DLG2: variants seen among roughly 807,000 people sequenced by gnomAD.
DLG2 encodes the protein discs large MAGUK scaffold protein 2, also known as disks large homolog 2.
Under a neutral mutation model 132.5 loss-of-function variants are expected in DLG2, and 45 were observed. That is an observed-to-expected ratio of 0.34 (90% CI 0.27 to 0.44). DLG2 has a LOEUF of 0.44. DLG2 is among the 20% of genes least tolerant of loss of function. The pLI is 1.00. For synonymous variants in DLG2, 424 were observed against 419.6 expected, an observed-to-expected ratio of 1.01 and a Z score of -0.13; for missense variants, 1,045 against 1,196.9, an observed-to-expected ratio of 0.87 and a Z score of 1.87.
intron 3 of DLG2, among the ~76,000 whole-genome samples, chr11:85,518,438 T>A (rs778849698): frequency 1.2e-4 from 19 of 152,138 alleles, no homozygotes; most frequent in African/African-American, 4.3e-4. Flanking sequence ...CACTAGAGAT[T>A]TGTAGAACTT....
intron 4 of DLG2, among the ~76,000 whole-genome samples, chr11:85,167,268 C>T (rs2078521923): frequency 6.6e-6 from 1 of 152,108 alleles, no homozygotes; most frequent in South Asian, 2.1e-4. Context: ...TGGAGTAATC[C>T]AATTCTATTA....
chr11:84,400,540 T>C (rs941683112), intron 7 of DLG2, among the ~76,000 whole-genome samples: 5 of 152,228 alleles, frequency 3.3e-5, no homozygotes, highest in African/African-American at 4.8e-5. Context: ...TAGGCTCCTA[T>C]GCCCACTCTA....
At chr11:84,955,339 G>T (rs1032294212) in intron 6 of DLG2, 1 of 152,136 alleles carries the variant, frequency 6.6e-6, no homozygotes, top group African/African-American at 2.4e-5. Context: ...CTCATTTACA[G>T]ATGAGAAGAC....
At chr11:83,734,817 C>T (rs1213556629) in intron 18 of DLG2, among the ~76,000 whole-genome samples, 2 of 152,018 alleles carry the variant, frequency 1.3e-5, no homozygotes, top group African/African-American at 2.4e-5. Context: ...AGTATTATTT[C>T]ATGAAACATT....
intron 6 of DLG2, among the ~76,000 whole-genome samples, chr11:84,585,532 G>T (rs973965956): frequency 2.6e-5 from 4 of 152,098 alleles, no homozygotes; most frequent in Non-Finnish European, 4.4e-5. Flanking sequence ...AGGTTGTCCA[G>T]CTCCTCAAAA....
chr11:84,652,887 A>G (rs1157345030), intron 6 of DLG2, among the ~76,000 whole-genome samples: 1 of 151,778 alleles, frequency 6.6e-6, no homozygotes, highest in East Asian at 1.9e-4. Flanking sequence ...GTTTCACAAG[A>G]TAGTGCAGGA....
chr11:85,480,241 C>A (rs951654991), intron 3 of DLG2, among the ~76,000 whole-genome samples: 1 of 152,180 alleles, frequency 6.6e-6, no homozygotes, highest in Non-Finnish European at 1.5e-5. Context: ...AGTAATTCCA[C>A]AACTATGTAT....
chr11:83,591,164 C>G (rs1848553773), intron 19 of DLG2, among the ~76,000 whole-genome samples: 1 of 149,000 alleles, frequency 6.7e-6, no homozygotes, highest in African/African-American at 2.5e-5. Context: ...ATCCTGATAC[C>G]AAAGCCAGGC....
chr11:84,043,032 T>A (rs1179661665), intron 11 of DLG2, among the ~76,000 whole-genome samples: 1 of 151,836 alleles, frequency 6.6e-6, no homozygotes, highest in African/African-American at 2.4e-5. Flanking sequence ...TATATGGACA[T>A]ATATGTATAT....
chr11:84,550,133 CACACA>C (rs2099398945), intron 6 of DLG2, among the ~76,000 whole-genome samples: 1 of 151,830 alleles, frequency 6.6e-6, no homozygotes, highest in Non-Finnish European at 1.5e-5. Flanking sequence ...CACACACACA[CACACA>C]CACACACACA....
At chr11:84,156,203 T>C (rs572081591) in intron 9 of DLG2, among the ~76,000 whole-genome samples, 1 of 152,280 alleles carries the variant, frequency 6.6e-6, no homozygotes, top group South Asian at 2.1e-4. Context: ...CGCTCAGCCA[T>C]AGACAACTTT....
chr11:84,952,507 A>G (rs148436649), intron 6 of DLG2, among the ~76,000 whole-genome samples: 1 of 150,864 alleles, frequency 6.6e-6, no homozygotes, highest in African/African-American at 2.4e-5. Context: ...ACAGAACGAG[A>G]CTCCGTCTCA....
intron 6 of DLG2, among the ~76,000 whole-genome samples, chr11:84,936,490 A>G (rs1472254163): frequency 2.0e-5 from 3 of 152,124 alleles, no homozygotes; most frequent in Admixed American, 6.6e-5. Context: ...TAAATAAATA[A>G]ATGAACTATA....
intron 4 of DLG2, among the ~76,000 whole-genome samples, chr11:85,256,713 G>A (rs979470625): frequency 5.3e-5 from 8 of 152,216 alleles, no homozygotes; most frequent in African/African-American, 1.9e-4. Context: ...CGCCCCTGTC[G>A]ATGTCGTGTG....
At chr11:85,093,485 C>T (rs985149206) in intron 6 of DLG2, among the ~76,000 whole-genome samples, 1 of 152,108 alleles carries the variant, frequency 6.6e-6, no homozygotes, top group Non-Finnish European at 1.5e-5. Context: ...AGTCTGTTTT[C>T]ACACTTCTAA....
At chr11:84,856,157 C>T (rs1342974361) in intron 6 of DLG2, among the ~76,000 whole-genome samples, 1 of 151,986 alleles carries the variant, frequency 6.6e-6, no homozygotes, top group African/African-American at 2.4e-5. Flanking sequence ...CCTCATTGTC[C>T]TCTCTAGGGC....
intron 6 of DLG2, among the ~76,000 whole-genome samples, chr11:84,678,673 A>G (rs1313955481): frequency 2.0e-5 from 3 of 152,052 alleles, no homozygotes; most frequent in Non-Finnish European, 2.9e-5. Context: ...TATCAACATC[A>G]TCGCTCAACA....
At chr11:85,338,017 T>A (rs1193988799) in intron 3 of DLG2, among the ~76,000 whole-genome samples, 1 of 152,054 alleles carries the variant, frequency 6.6e-6, no homozygotes, top group African/African-American at 2.4e-5. Context: ...TTACCCAGAA[T>A]GCAGCTCAGA....
chr11:85,297,061 T>C (rs519429), intron 3 of DLG2, among the ~76,000 whole-genome samples: 123,714 of 151,452 alleles, frequency 0.82, 51,014 homozygotes, highest in Middle Eastern at 0.89. Context: ...GAAAATCTTA[T>C]GAGAATGTAC....
Sources: allele counts gnomAD v4.1 joint callset (sites outside exome capture counted in the v4.1 genomes callset), GRCh38; gene constraint gnomAD v4.1.1; transcripts MANE v1.5; gene names NCBI Gene and HGNC (gene_info 2026-07-23, HGNC 2026-07-21).